The following CORO2B variants were observed in gnomAD, a reference collection of about 807,000 sequenced individuals.
CORO2B encodes coronin 2B, also known as coronin-2B.
In CORO2B, 26 loss-of-function variants were observed where a neutral mutation model predicts 58.8. The observed-to-expected ratio is 0.44, with a 90% CI of 0.32 to 0.61. The LOEUF is 0.61. CORO2B is among the 20% of genes least tolerant of loss of function. The pLI is 0.04. For synonymous variants in CORO2B, 242 were observed against 253.8 expected (o/e 0.95, Z 0.44); for missense variants, 460 against 645.1 (o/e 0.71, Z 3.11).
At chr15:68,557,853 C>T in the CORO2B span, among the ~76,000 whole-genome samples, 3 of 152,194 alleles carry the variant, frequency 2.0e-5, no homozygotes, top group African/African-American at 7.2e-5. Context: ...AGAGGGGGTG[C>T]AGCAAATGAC....
At chr15:68,564,998 C>T in the CORO2B span, among the ~76,000 whole-genome samples, 1 of 152,074 alleles carries the variant, frequency 6.6e-6, no homozygotes, top group Admixed American at 6.5e-5. Flanking sequence ...TCTATAAAAC[C>T]TATCCTTATA....
At chr15:68,698,819 A>C (rs1892574564) in intron 3 of CORO2B, among the ~76,000 whole-genome samples, 1 of 152,112 alleles carries the variant, frequency 6.6e-6, no homozygotes. Context: ...ATGCCTGCTC[A>C]TCTCACTCTT....
chr15:68,557,523 G>A, the CORO2B span, among the ~76,000 whole-genome samples: 2 of 152,344 alleles, frequency 1.3e-5, no homozygotes, highest in Admixed American at 6.5e-5. Flanking sequence ...TCTATCCAAG[G>A]TCATACATCT....
chr15:68,535,707 C>T, the CORO2B span, among the ~76,000 whole-genome samples: 452 of 152,248 alleles, frequency 3.0e-3, 1 homozygote, highest in African/African-American at 0.01. Flanking sequence ...CAACTTCAAT[C>T]GCTAGCTCAT....
At chr15:68,703,860 A>T (rs571316541) in intron 3 of CORO2B, among the ~76,000 whole-genome samples, 1 of 152,112 alleles carries the variant, frequency 6.6e-6, no homozygotes, top group Admixed American at 6.6e-5. Context: ...ACTTCATATC[A>T]TATGTATTGA....
chr15:68,716,410 G>C (rs1893032875), intron 8 of CORO2B, among the ~76,000 whole-genome samples: 1 of 152,230 alleles, frequency 6.6e-6, no homozygotes, highest in African/African-American at 2.4e-5. Context: ...GACTCCTCCT[G>C]CTCCTTCACA....
the CORO2B span, among the ~76,000 whole-genome samples, chr15:68,547,790 T>A: frequency 6.6e-6 from 1 of 152,236 alleles, no homozygotes; most frequent in Non-Finnish European, 1.5e-5. Context: ...TACAGACATA[T>A]GTTCCATAAA....
chr15:68,550,630 G>T, the CORO2B span, among the ~76,000 whole-genome samples: 1 of 152,176 alleles, frequency 6.6e-6, no homozygotes, highest in Non-Finnish European at 1.5e-5. Flanking sequence ...CCGAGTTCTG[G>T]GATTCTGGGT....
At chr15:68,648,760 T>C (rs1901539114) in intron 2 of CORO2B, among the ~76,000 whole-genome samples, 1 of 152,216 alleles carries the variant, frequency 6.6e-6, no homozygotes, top group Admixed American at 6.5e-5. Flanking sequence ...TTGGAAAAGA[T>C]TTAAAAGAGT....
chr15:68,612,512 G>A (rs2140246270), intron 1 of CORO2B, among the ~76,000 whole-genome samples: 1 of 152,310 alleles, frequency 6.6e-6, no homozygotes, highest in East Asian at 1.9e-4. Flanking sequence ...GGTAGAGCAG[G>A]AAAACTGAGA....
At chr15:68,565,539 A>G in the CORO2B span, among the ~76,000 whole-genome samples, 3 of 151,080 alleles carry the variant, frequency 2.0e-5, no homozygotes, top group Admixed American at 6.6e-5. Flanking sequence ...AAATATATAT[A>G]TATATATTTA....
intron 1 of CORO2B, among the ~76,000 whole-genome samples, chr15:68,603,445 C>T (rs981068585): frequency 1.2e-4 from 18 of 152,076 alleles, no homozygotes; most frequent in Admixed American, 9.2e-4. Context: ...AGCAACAGTG[C>T]GAGGTCATCA....
At chr15:68,603,544 A>T (rs1176695347) in intron 1 of CORO2B, among the ~76,000 whole-genome samples, 1 of 152,056 alleles carries the variant, frequency 6.6e-6, no homozygotes, top group Non-Finnish European at 1.5e-5. Flanking sequence ...TCATATGTTG[A>T]AGCCCTAACC....
chr15:68,540,584 C>T, the CORO2B span, among the ~76,000 whole-genome samples: 2 of 152,228 alleles, frequency 1.3e-5, no homozygotes, highest in African/African-American at 4.8e-5. Context: ...TTTAAACAAT[C>T]ACCATGCTTT....
At chr15:68,553,893 G>A in the CORO2B span, among the ~76,000 whole-genome samples, 1 of 152,234 alleles carries the variant, frequency 6.6e-6, no homozygotes, top group African/African-American at 2.4e-5. Context: ...GTCCCTGAGA[G>A]CAATGGGGAG....
the CORO2B span, among the ~76,000 whole-genome samples, chr15:68,520,574 T>G: frequency 6.6e-6 from 1 of 152,244 alleles, no homozygotes; most frequent in Admixed American, 6.5e-5. Context: ...TTGGTTACAG[T>G]TCACAGGGTA....
At chr15:68,607,817 CAAAAA>C (rs34353055) in intron 1 of CORO2B, among the ~76,000 whole-genome samples, 1 of 106,222 alleles carries the variant, frequency 9.4e-6, no homozygotes. Flanking sequence ...GACCCTATCT[CAAAAA>C]AAAAAAAAAA....
At chr15:68,630,355 C>T (rs569748607) in intron 1 of CORO2B, among the ~76,000 whole-genome samples, 57 of 152,160 alleles carry the variant, frequency 3.7e-4, no homozygotes, top group Non-Finnish European at 6.5e-4. Context: ...ATGGCAGGCA[C>T]GGGCAGCCGC....
chr15:68,703,142 CT>C (rs1370345259), intron 3 of CORO2B, among the ~76,000 whole-genome samples: 2 of 104,588 alleles, frequency 1.9e-5, no homozygotes, highest in South Asian at 3.7e-4. Context: ...CCATATCTTT[CT>C]TTTTTTCTTT....
Sources: allele counts gnomAD v4.1 joint callset (sites outside exome capture counted in the v4.1 genomes callset), GRCh38; gene constraint gnomAD v4.1.1; transcripts MANE v1.5; gene names NCBI Gene and HGNC (gene_info 2026-07-23, HGNC 2026-07-21).